Variants in TMTC2 observed in about 807,000 individuals in gnomAD.
The protein encoded by TMTC2 is transmembrane O-mannosyltransferase targeting cadherins 2.
In TMTC2, 43 loss-of-function variants were observed where a neutral mutation model predicts 82.4. The ratio of observed to expected loss-of-function variants is 0.52; its 90% CI spans 0.41 to 0.67. The LOEUF (loss-of-function observed/expected upper bound fraction) is 0.67. Among genes scored for constraint, TMTC2 ranks in the 30% least tolerant of loss-of-function variants. The pLI is 0.00. For missense variants in TMTC2, 919 were observed against 1,012.4 expected (o/e 0.91, Z 1.25); for synonymous variants, 408 against 381.9 (o/e 1.07, Z -0.80).
In TMTC2 at chr12:82,949,366, A is replaced by C. The variant is rs371191918; in HGVS notation, c.1599-15658A>C. ...AAATAAAAATTCTCCCAGAGGATGA[A>C]GGAAATACTTGAAAGAGATTTGACT... On this transcript the variant is annotated intron_variant, in intron 4 of 11. Transcript: ENST00000321196. Among the ~76,000 whole-genome samples the C allele has an allele frequency of 2.0e-3, 303 of 152,344 alleles. 1 individual carries two copies. The highest frequency in any genetic ancestry group is 0.019 in the South Asian group (92 of 4,828).
At chr12:83,012,922 G>T (rs770497603) in intron 8 of TMTC2, among the ~76,000 whole-genome samples, 1 of 152,120 alleles carries the variant, frequency 6.6e-6, no homozygotes, top group Non-Finnish European at 1.5e-5. Flanking sequence ...ATGTATTTCA[G>T]CTGAAGAATC....
At chr12:82,729,182 C>T (rs992931899) in intron 1 of TMTC2, among the ~76,000 whole-genome samples, 7 of 152,230 alleles carry the variant, frequency 4.6e-5, no homozygotes, top group Admixed American at 2.0e-4. Context: ...GCCAGTTGGG[C>T]TCCTGAGTGT....
At chr12:82,780,091 T>A (rs1208977231) in intron 1 of TMTC2, among the ~76,000 whole-genome samples, 1 of 152,198 alleles carries the variant, frequency 6.6e-6, no homozygotes, top group Admixed American at 6.5e-5. Flanking sequence ...TAATTATCTG[T>A]TCTCAGTCTT....
intron 11 of TMTC2, among the ~76,000 whole-genome samples, chr12:83,089,076 A>G (rs750571664): frequency 2.6e-5 from 4 of 152,162 alleles, no homozygotes; most frequent in Non-Finnish European, 4.4e-5. Flanking sequence ...TTTATAAACT[A>G]TGCTACCAGC....
At chr12:83,066,419 G>T (rs1236671711) in intron 11 of TMTC2, among the ~76,000 whole-genome samples, 1 of 151,912 alleles carries the variant, frequency 6.6e-6, no homozygotes, top group Non-Finnish European at 1.5e-5. Context: ...GGGGAAGATA[G>T]AAATGGAAAC....
intron 7 of TMTC2, among the ~76,000 whole-genome samples, chr12:82,976,907 A>G (rs1445411255): frequency 7.9e-5 from 12 of 152,054 alleles, no homozygotes; most frequent in Non-Finnish European, 1.5e-4. Context: ...TAACATCTAA[A>G]TTCAAGTAGA....
chr12:83,018,280 G>A (rs1386296798), intron 8 of TMTC2, among the ~76,000 whole-genome samples: 1 of 152,126 alleles, frequency 6.6e-6, no homozygotes. Flanking sequence ...ACTCTCACAA[G>A]ACAGCTTTTC....
At chr12:83,012,308 G>A (rs764474610) in intron 8 of TMTC2, among the ~76,000 whole-genome samples, 33 of 152,174 alleles carry the variant, frequency 2.2e-4, no homozygotes, top group South Asian at 4.2e-4. Context: ...AGTTTGAAGG[G>A]ATAAATGGCA....
At chr12:82,923,968 A>G (rs1218709820) in intron 3 of TMTC2, among the ~76,000 whole-genome samples, 1 of 152,226 alleles carries the variant, frequency 6.6e-6, no homozygotes, top group East Asian at 1.9e-4. Context: ...TAACTCATAG[A>G]ATCAACTATG....
chr12:83,032,254 ATTTTATATATATATAT>A (rs1789281565), intron 9 of TMTC2, among the ~76,000 whole-genome samples: 1 of 103,408 alleles, frequency 9.7e-6, no homozygotes, highest in South Asian at 3.2e-4. Flanking sequence ...TATAGAGAAT[ATTTTATATATATATAT>A]ATATATATAT....
intron 11 of TMTC2, among the ~76,000 whole-genome samples, chr12:83,121,557 G>T (rs1457679754): frequency 6.6e-6 from 1 of 152,102 alleles, no homozygotes; most frequent in East Asian, 1.9e-4. Flanking sequence ...GGTGGAGGTG[G>T]CAGGGGGGTG....
intron 8 of TMTC2, among the ~76,000 whole-genome samples, chr12:83,004,236 GTTCT>G (rs1205973423): frequency 1.3e-5 from 2 of 152,098 alleles, no homozygotes; most frequent in African/African-American, 4.8e-5. Context: ...TTTTGGTTTA[GTTCT>G]TTCTTAAAAT....
intron 1 of TMTC2, among the ~76,000 whole-genome samples, chr12:82,850,834 G>A (rs1870937212): frequency 6.6e-6 from 1 of 152,010 alleles, no homozygotes; most frequent in East Asian, 1.9e-4. Flanking sequence ...GGGAGGCTGA[G>A]GTGGGCAGAT....
chr12:82,792,206 C>T (rs1384675356), intron 1 of TMTC2, among the ~76,000 whole-genome samples: 1 of 152,004 alleles, frequency 6.6e-6, no homozygotes, highest in East Asian at 1.9e-4. Context: ...ATTATCAAGA[C>T]CGAAAACAAA....
In TMTC2 at chr12:82,896,301, G is replaced by A. The variant is rs779476113; in HGVS notation, c.1138G>A (p.Asp380Asn). 4.3e-6 allele frequency: 7 copies of A among 1,613,982 alleles called. No individual in the cohort carries two copies. The East Asian group carries it at 8.9e-5, about 21-fold the overall frequency. Residue 380 changes from aspartate to asparagine, a missense_variant, in exon 3 of 12, where the codon GAT becomes AAT. Physicochemically the swap from Asp to Asn is conservative, Grantham distance 23 (BLOSUM62 1). Transcript: ENST00000321196. ...ASKVENGIKNDVSQRTQLPST... is the reference protein window; with the variant it reads ...ASKVENGIKNNVSQRTQLPST... Reference sequence around the variant, plus strand: ...CAAAGTAGAAAATGGCATTAAAAACGATGTATCACAGAGAACCCAGCTTCC... The same window carrying A: ...CAAAGTAGAAAATGGCATTAAAAACAATGTATCACAGAGAACCCAGCTTCC...
intron 4 of TMTC2, among the ~76,000 whole-genome samples, chr12:82,956,928 A>C (rs1877644642): frequency 6.6e-6 from 1 of 152,180 alleles, no homozygotes; most frequent in South Asian, 2.1e-4. Context: ...ATAGCCACAC[A>C]ATAATAGTGG....
chr12:83,006,360 C>T (rs10082865), intron 8 of TMTC2, among the ~76,000 whole-genome samples: 27 of 152,022 alleles, frequency 1.8e-4, no homozygotes, highest in Admixed American at 1.4e-3. Flanking sequence ...GGTGTGTCTA[C>T]TTGGCCCTCT....
chr12:83,018,299 C>T (rs1880767150), intron 8 of TMTC2, among the ~76,000 whole-genome samples: 1 of 152,086 alleles, frequency 6.6e-6, no homozygotes, highest in African/African-American at 2.4e-5. Flanking sequence ...TCTTACCATC[C>T]CCACAGGGTT....
At chr12:83,115,647 ATTT>A (rs11316057) in intron 11 of TMTC2, among the ~76,000 whole-genome samples, 22 of 150,468 alleles carry the variant, frequency 1.5e-4, no homozygotes, top group East Asian at 3.9e-4. Context: ...TTTTTTTATT[ATTT>A]TTTTTTTTAT....
Sources: gnomAD v4.1 joint callset for allele counts (sites outside exome capture counted in the v4.1 genomes callset) on GRCh38, gnomAD v4.1.1 for gene constraint, MANE v1.5 for transcripts, NCBI Gene and HGNC (gene_info 2026-07-23, HGNC 2026-07-21) for gene names.